ITIH4: variants seen among roughly 807,000 people sequenced by gnomAD.
ITIH4 encodes the protein inter-alpha-trypsin inhibitor heavy chain H4.
In ITIH4, 79 loss-of-function variants were observed where a neutral mutation model predicts 111.8. The observed-to-expected ratio is 0.71, with a 90% CI of 0.59 to 0.85. The LOEUF is 0.85. ITIH4 is among the 40% of genes least tolerant of loss of function. The pLI is 0.00. For missense variants in ITIH4, 1,065 were observed against 1,195.8 expected, an observed-to-expected ratio of 0.89 and a Z score of 1.61; for synonymous variants, 472 against 468.3, an observed-to-expected ratio of 1.01 and a Z score of -0.10.
intron 23 of ITIH4, among the ~76,000 whole-genome samples, chr3:52,813,713 T>C (rs1157419144): frequency 6.6e-6 from 1 of 152,194 alleles, no homozygotes; most frequent in Non-Finnish European, 1.5e-5. Context: ...GTTCAGGGTG[T>C]GGACAGGGAG....
chr3:52,821,687 C>T (rs1160710267), intron 11 of ITIH4, among the ~76,000 whole-genome samples: 2 of 152,170 alleles, frequency 1.3e-5, no homozygotes, highest in Admixed American at 6.5e-5. Context: ...GACAGGGAAG[C>T]ATGCACCCAA....
Position 52,821,114 on chromosome 3 carries a change from G to A in ITIH4, c.1556C>T (p.Thr519Ile), listed in dbSNP as rs371269309. Residue 519 changes from threonine (T) to isoleucine (I), a missense_variant, in exon 12 of 24, where the codon ACT becomes ATT. Coordinates refer to ENST00000266041, the MANE Select transcript of ITIH4 (RefSeq NM_002218.5). ...VSGKLPTQNI[T>I]FQTESSVAEQ... ...TGCCACACTGGACTCCGTTTGGAAA[G>A]TGATGTTCTGTGTAGGCTGGAAAGA... is the stretch of plus-strand genomic sequence containing the variant. 177 of 1,613,440 alleles carry A rather than the reference G, an allele frequency of 1.1e-4. No individual in the cohort carries two copies. Among genetic ancestry groups the A allele is most frequent in the Non-Finnish European group, 1.4e-4 (169 of 1,180,038 alleles).
chr3:52,818,588 G>C (rs1293359046), intron 17 of ITIH4, 52 bp from the exon 18 acceptor site: 1 of 1,497,808 alleles, frequency 6.7e-7, no homozygotes, highest in South Asian at 1.2e-5. Context: ...CAGTCAGGAG[G>C]CGGGCAACCA....
chr3:52,829,548 A>G (rs905911015), intron 1 of ITIH4, among the ~76,000 whole-genome samples: 2 of 152,182 alleles, frequency 1.3e-5, no homozygotes, highest in African/African-American at 4.8e-5. Flanking sequence ...AGGGGCCCAG[A>G]GCACCCCTTG....
intron 21 of ITIH4, among the ~76,000 whole-genome samples, 186 bp from the exon 22 acceptor site, chr3:52,814,549 TTAA>T (rs1209030857): frequency 2.0e-5 from 3 of 152,206 alleles, no homozygotes; most frequent in Admixed American, 6.5e-5. Context: ...CAAAGTTAAC[TTAA>T]TGATGTCTAG....
Position 52,826,820 on chromosome 3 carries a change from G to A in ITIH4, c.490C>T (p.Arg164Trp), listed in dbSNP as rs1304387005. The change falls in exon 4 of 24, where the codon CGG becomes TGG. Residue 164 changes from arginine to tryptophan, a missense_variant. By Grantham distance (101) the Arg-to-Trp change is moderately radical (BLOSUM62 -3). Transcript: ENST00000266041. ...AGGTGCTTGACCAGCTGCTGGGGCC[G>A]CACTTTCAGCAGCAGCTCGTACACC... is the stretch of plus-strand genomic sequence containing the variant. ...LGVYELLLKV[R>W]PQQLVKHLQM... 2.4e-5 allele frequency: 38 copies of A among 1,613,656 alleles called. No homozygotes were observed. Among genetic ancestry groups the A allele is most frequent in the Middle Eastern group, 1.6e-4 (1 of 6,084 alleles).
chr3:52,822,066 A>G (rs962519869), intron 11 of ITIH4, among the ~76,000 whole-genome samples: 9 of 152,244 alleles, frequency 5.9e-5, no homozygotes, highest in South Asian at 4.1e-4. Flanking sequence ...GATCTGGGCC[A>G]GGTGCGGTGG....
At chr3:52,822,215 T>C (rs1363425687) in intron 11 of ITIH4, 2 of 152,028 alleles carry the variant, frequency 1.3e-5, no homozygotes, top group South Asian at 2.1e-4. Flanking sequence ...TGGTGGTGGA[T>C]GCTGGTAGTC....
At chr3:52,814,115 A>T (rs1700234971) in intron 22 of ITIH4, 44 bp from the exon 23 acceptor site, 1 of 1,607,826 alleles carries the variant, frequency 6.2e-7, no homozygotes, top group Non-Finnish European at 8.5e-7. Context: ...AGACAGAGGA[A>T]GCCTGGGAGA....
chr3:52,817,957 G>T, intron 20 of ITIH4, 95 bp downstream of exon 20: 1 of 948,428 alleles, frequency 1.1e-6, no homozygotes, highest in Non-Finnish European at 1.7e-6. Context: ...AGGGGCCTGT[G>T]TGGGGCCAGC....
At chr3:52,817,136 G>T in intron 20 of ITIH4, 78 bp from the exon 21 acceptor site, 1 of 1,252,656 alleles carries the variant, frequency 8.0e-7, no homozygotes, top group African/African-American at 1.5e-5. Context: ...AGTCCCCCCT[G>T]ATCACACCCC....
At position 52,819,653 on chromosome 3, in the gene ITIH4, G is replaced by A; in HGVS notation, c.1951+101C>T. On this transcript the variant is annotated intron_variant, in intron 16 of 23. Transcript: ENST00000266041. ...TCTCCCCACACCCGGCCAACTTGGG[G>A]AGCCTCTCCCCCAACAGCTGGGAGA... The A allele has an allele frequency of 2.5e-6, 4 of 1,577,412 alleles. No homozygotes were observed. The South Asian group carries it at 3.3e-5, about 13-fold the overall frequency.
rs1195770683 is a variant in ITIH4, at chr3:52,827,635, C to T, written c.252-438G>A. On this transcript the variant is annotated intron_variant, in intron 2 of 23. Coordinates refer to ENST00000266041, the MANE Select transcript of ITIH4 (RefSeq NM_002218.5). Reference sequence around the variant, plus strand: ...ACTTGTTCCCAGCCCTGCGTGCAGCCGTGTGGGGCCAGGACTGAGGAGGAA... The same window carrying T: ...ACTTGTTCCCAGCCCTGCGTGCAGCTGTGTGGGGCCAGGACTGAGGAGGAA... Among the ~76,000 whole-genome samples the T allele has an allele frequency of 3.3e-5, 5 of 152,190 alleles. No individual in the cohort carries two copies. The South Asian group carries it at 8.3e-4, about 25-fold the overall frequency.
rs1578779128 is a variant in ITIH4, at chr3:52,824,332, C to G, written c.1046-17G>C. ...TGTTGGTCCCTGAGGAACACGCACT[C>G]TCAAGGTGGTCCCCAGCCAGGAGCC... On this transcript the variant is annotated splice_polypyrimidine_tract_variant and intron_variant, in intron 8 of 23. Coordinates refer to ENST00000266041, the MANE Select transcript of ITIH4 (RefSeq NM_002218.5). This position sits in a 1 kb window ranked among gnomAD's most constrained non-coding sequence, Gnocchi z 4.3. The G allele has an allele frequency of 1.9e-6, 3 of 1,612,280 alleles. No individual in the cohort carries two copies. Among genetic ancestry groups the G allele is most frequent in the Admixed American group, 3.3e-5 (2 of 59,990 alleles).
At position 52,829,292 on chromosome 3, in the gene ITIH4, A is replaced by C; in HGVS notation, c.91-13T>G. The C allele has an allele frequency of 6.3e-7, 1 of 1,595,118 alleles. No homozygotes were observed. The highest frequency in any genetic ancestry group is 8.6e-7 in the Non-Finnish European group (1 of 1,164,896). On this transcript the variant is annotated splice_polypyrimidine_tract_variant and intron_variant, in intron 1 of 23. Transcript: ENST00000266041. Reference sequence around the variant, plus strand: ...TGTCGATGCCATTCTGGACCAGCAAAGAAGAAGGGGGTTGCAGGGTTTCAA... The same window carrying C: ...TGTCGATGCCATTCTGGACCAGCAACGAAGAAGGGGGTTGCAGGGTTTCAA...
At chr3:52,829,629 A>G (rs753216628) in intron 1 of ITIH4, among the ~76,000 whole-genome samples, 1 of 152,220 alleles carries the variant, frequency 6.6e-6, no homozygotes, top group Non-Finnish European at 1.5e-5. Flanking sequence ...CATCACACTC[A>G]GCCTTTGGGC....
intron 21 of ITIH4, 66 bp from the exon 22 acceptor site, chr3:52,814,429 G>C (rs1448450602): frequency 5.6e-6 from 8 of 1,430,710 alleles, no homozygotes; most frequent in Non-Finnish European, 7.8e-6. Flanking sequence ...CAGTAGTCAG[G>C]GTGGGGAGTG....
In ITIH4 at chr3:52,829,194, T is replaced by C. The variant is rs374886762; in HGVS notation, c.176A>G (p.Asn59Ser). The change falls in exon 2 of 24, where the codon AAT (asparagine) becomes AGT (serine). Residue 59 changes from asparagine to serine, a missense_variant. Transcript: ENST00000266041. ...AHTVVTSRVV[N>S]RANTVQEATF... Reference sequence around the variant, plus strand: ...GGCCTCCTGCACAGTATTGGCCCTATTGACCACTCGGCTGGTGACGACCGT... The same window carrying C: ...GGCCTCCTGCACAGTATTGGCCCTACTGACCACTCGGCTGGTGACGACCGT... 27 of 1,613,774 alleles carry C rather than the reference T, an allele frequency of 1.7e-5. No individual in the cohort carries two copies. The highest frequency in any genetic ancestry group is 1.6e-4 in the Middle Eastern group (1 of 6,078).
chr3:52,829,924 C>T lies in ITIH4; in HGVS notation c.90+629G>A, dbSNP rs369027957. ...CACTCCCCTAGCAGGTGCCATTTGC[C>T]TTGAGGTCTGTGTCCCCCGAGGAGG... On this transcript the variant is annotated intron_variant, in intron 1 of 23. Coordinates refer to ENST00000266041, the MANE Select transcript of ITIH4 (RefSeq NM_002218.5). 164 of 194,438 alleles carry T rather than the reference C, an allele frequency of 8.4e-4. 1 individual carries two copies. The South Asian group carries it at 0.016, about 19-fold the overall frequency. 12.0% of individuals were successfully genotyped at this position (194,438 alleles called of 1,614,324 possible). A position where few individuals can be genotyped will look rare whatever the true frequency, so the allele number is the denominator to read the frequency against.
Sources: gnomAD v4.1 joint callset for allele counts (sites outside exome capture counted in the v4.1 genomes callset) on GRCh38, gnomAD v4.1.1 for gene constraint, Gnocchi (gnomAD v3.1) non-coding constraint, MANE v1.5 for transcripts, NCBI Gene and HGNC (gene_info 2026-07-23, HGNC 2026-07-21) for gene names.